The following ENTREP2 variants were observed in gnomAD, a reference collection of about 807,000 sequenced individuals.
ENTREP2 encodes the protein protein ENTREP2.
At chr15:29,221,856 G>C in the ENTREP2 span, among the ~76,000 whole-genome samples, 1 of 152,258 alleles carries the variant, frequency 6.6e-6, no homozygotes, top group African/African-American at 2.4e-5. Flanking sequence ...AATGTTCGCA[G>C]CAGCAGTGCT....
the ENTREP2 span, among the ~76,000 whole-genome samples, chr15:29,295,039 G>T: frequency 6.6e-6 from 1 of 152,186 alleles, no homozygotes; most frequent in Non-Finnish European, 1.5e-5. Flanking sequence ...CCAGACCATC[G>T]GGAGGGAGAA....
chr15:29,420,450 T>C, the ENTREP2 span, among the ~76,000 whole-genome samples: 6 of 152,146 alleles, frequency 3.9e-5, no homozygotes, highest in African/African-American at 1.4e-4. Flanking sequence ...AGAGCTTTGA[T>C]GGTAGCAGTG....
chr15:29,203,130 C>T, the ENTREP2 span, among the ~76,000 whole-genome samples: 51 of 152,322 alleles, frequency 3.3e-4, no homozygotes, highest in South Asian at 9.5e-3. Context: ...AGGCCGGGCA[C>T]GGTGGCTCAC....
chr15:29,177,946 C>G, the ENTREP2 span, among the ~76,000 whole-genome samples: 2 of 152,062 alleles, frequency 1.3e-5, no homozygotes, highest in South Asian at 4.2e-4. Flanking sequence ...TGCAGGGACA[C>G]CCGGGTGGTG....
chr15:29,649,057 TACAC>T, the ENTREP2 span, among the ~76,000 whole-genome samples: 2,164 of 144,904 alleles, frequency 0.015, 16 homozygotes, highest in African/African-American at 0.02. Context: ...GGGACACATG[TACAC>T]ACACACACAC....
the ENTREP2 span, among the ~76,000 whole-genome samples, chr15:29,363,998 C>T: frequency 6.6e-4 from 101 of 152,204 alleles, no homozygotes; most frequent in African/African-American, 2.3e-3. Context: ...CTCTCCATAA[C>T]CTAAGAACCA....
the ENTREP2 span, among the ~76,000 whole-genome samples, chr15:29,622,539 A>G: frequency 6.6e-6 from 1 of 152,060 alleles, no homozygotes; most frequent in South Asian, 2.1e-4. Flanking sequence ...TGTGTTTTTC[A>G]CCATAACTTT....
chr15:29,301,685 GC>G, the ENTREP2 span, among the ~76,000 whole-genome samples: 2 of 152,138 alleles, frequency 1.3e-5, no homozygotes, highest in East Asian at 3.9e-4. Flanking sequence ...GAACGTTGTG[GC>G]CCATGAGATT....
At chr15:29,656,892 T>C in the ENTREP2 span, among the ~76,000 whole-genome samples, 1 of 152,200 alleles carries the variant, frequency 6.6e-6, no homozygotes, top group Non-Finnish European at 1.5e-5. Context: ...CAAAAACCTG[T>C]ACACAAACGT....
chr15:29,268,524 T>C, the ENTREP2 span: 1 of 417,858 alleles, frequency 2.4e-6, no homozygotes, highest in East Asian at 3.6e-5. Context: ...ATAGTCAAGT[T>C]TTCCAATTCG....
chr15:29,208,034 TG>T, the ENTREP2 span, among the ~76,000 whole-genome samples: 1 of 152,088 alleles, frequency 6.6e-6, no homozygotes, highest in Non-Finnish European at 1.5e-5. Flanking sequence ...CCCTGTCCCC[TG>T]GGGGGCTTAC....
chr15:29,504,865 C>A, the ENTREP2 span, among the ~76,000 whole-genome samples: 1 of 152,234 alleles, frequency 6.6e-6, no homozygotes, highest in African/African-American at 2.4e-5. Context: ...AGGGCTGGCA[C>A]TGTCATGTTA....
At chr15:29,349,886 C>T in the ENTREP2 span, among the ~76,000 whole-genome samples, 2 of 151,686 alleles carry the variant, frequency 1.3e-5, no homozygotes, top group Non-Finnish European at 2.9e-5. Context: ...GGTGACAGAG[C>T]GAGACTCTGT....
At chr15:29,292,432 G>A in the ENTREP2 span, among the ~76,000 whole-genome samples, 2 of 150,912 alleles carry the variant, frequency 1.3e-5, no homozygotes, top group South Asian at 4.3e-4. Flanking sequence ...CCAGGATGGA[G>A]TACAATGGCA....
At chr15:29,508,379 C>T in the ENTREP2 span, among the ~76,000 whole-genome samples, 196 of 152,264 alleles carry the variant, frequency 1.3e-3, no homozygotes, top group African/African-American at 4.4e-3. Flanking sequence ...AAAAGAGGGA[C>T]TCCTCCCTAA....
the ENTREP2 span, among the ~76,000 whole-genome samples, chr15:29,219,614 A>AATATATATATAT: frequency 7.0e-3 from 268 of 38,156 alleles, 28 homozygotes; most frequent in Non-Finnish European, 9.5e-3. Context: ...GTGGTGCATA[A>AATATATATATAT]ATATATATAT....
At chr15:29,461,972 A>C in the ENTREP2 span, among the ~76,000 whole-genome samples, 1 of 152,052 alleles carries the variant, frequency 6.6e-6, no homozygotes, top group Non-Finnish European at 1.5e-5. Flanking sequence ...TGACTACTCT[A>C]TGTCCCTCAT....
the ENTREP2 span, among the ~76,000 whole-genome samples, chr15:29,529,253 G>A: frequency 1.9e-5 from 2 of 106,696 alleles, no homozygotes; most frequent in African/African-American, 6.7e-5. Flanking sequence ...AGGGGTGTGT[G>A]AGGGTGTGGA....
chr15:29,223,512 C>A, the ENTREP2 span, among the ~76,000 whole-genome samples: 1 of 152,208 alleles, frequency 6.6e-6, no homozygotes, highest in African/African-American at 2.4e-5. Context: ...GACACAGACA[C>A]ACATACATGG....
Sources: gnomAD v4.1 joint callset for allele counts (sites outside exome capture counted in the v4.1 genomes callset) on GRCh38, gnomAD v4.1.1 for gene constraint, MANE v1.5 for transcripts, NCBI Gene and HGNC (gene_info 2026-07-23, HGNC 2026-07-21) for gene names.